SYN3: variants seen among roughly 807,000 people sequenced by gnomAD.
SYN3 encodes synapsin III, also known as synapsin-3.
Under a neutral mutation model 65.8 loss-of-function variants are expected in SYN3, and 35 were observed. The observed-to-expected ratio is 0.53, with a 90% CI of 0.41 to 0.70. The LOEUF (loss-of-function observed/expected upper bound fraction) is 0.70. Ranked by LOEUF, SYN3 falls within the 30% of genes least tolerant of loss-of-function variation. The pLI is 0.00. For missense variants in SYN3, 680 were observed against 749.0 expected (o/e 0.91, Z 1.08); for synonymous variants, 270 against 292.9 (o/e 0.92, Z 0.80).
chr22:32,541,621 G>A lies in SYN3; in HGVS notation c.867C>T (p.Ser289=), dbSNP rs757217891. Residue 289 remains serine, a synonymous_variant, in exon 8 of 14, where the codon TCC becomes TCT. Transcript: ENST00000358763. ...TYATTEAFID[S]KYDIRIQKIG... ...TTTTCTGGATGCGGATGTCGTACTT[G>A]GAGTCGATGAAGGCCTCGGTGGTGG... 8.7e-6 allele frequency: 14 copies of A among 1,613,972 alleles called. No individual in the cohort carries two copies. The highest frequency in any genetic ancestry group is 1.6e-4 in the Middle Eastern group (1 of 6,084).
At chr22:32,969,627 A>C (rs1226384056) in intron 3 of SYN3, among the ~76,000 whole-genome samples, 1 of 152,182 alleles carries the variant, frequency 6.6e-6, no homozygotes, top group Non-Finnish European at 1.5e-5. Context: ...AGTGCTCTCC[A>C]CACTTTGGAC....
At chr22:32,742,872 A>G (rs1012318978) in intron 6 of SYN3, among the ~76,000 whole-genome samples, 1 of 152,208 alleles carries the variant, frequency 6.6e-6, no homozygotes, top group African/African-American at 2.4e-5. Context: ...GCTCACACGA[A>G]TAGCTATAAG....
intron 1 of SYN3, among the ~76,000 whole-genome samples, chr22:33,019,901 T>C (rs1224377459): frequency 6.6e-6 from 1 of 152,220 alleles, no homozygotes; most frequent in Non-Finnish European, 1.5e-5. Flanking sequence ...CCCCATTGCT[T>C]ATTCTTAGCA....
chr22:32,988,193 G>C (rs2145696506), intron 2 of SYN3, among the ~76,000 whole-genome samples: 1 of 152,066 alleles, frequency 6.6e-6, no homozygotes, highest in African/African-American at 2.4e-5. Context: ...TGTAATCCCA[G>C]CTACTTGGGA....
intron 6 of SYN3, among the ~76,000 whole-genome samples, chr22:32,688,464 T>G (rs2060621410): frequency 6.6e-6 from 1 of 152,122 alleles, no homozygotes; most frequent in African/African-American, 2.4e-5. Flanking sequence ...TATTTTTCCC[T>G]TTGTTAGCTG....
At chr22:32,840,175 G>GT (rs1199334856) in intron 6 of SYN3, among the ~76,000 whole-genome samples, 2 of 152,188 alleles carry the variant, frequency 1.3e-5, no homozygotes, top group Non-Finnish European at 2.9e-5. Context: ...CAGCTTTCCA[G>GT]ATTTTCTGAG....
chr22:32,973,285 A>G (rs1344695603), intron 3 of SYN3, among the ~76,000 whole-genome samples: 1 of 152,202 alleles, frequency 6.6e-6, no homozygotes, highest in African/African-American at 2.4e-5. Flanking sequence ...AAAGGTGCCC[A>G]AGAAACTAGT....
intron 6 of SYN3, among the ~76,000 whole-genome samples, chr22:32,654,924 G>A (rs2060121806): frequency 1.3e-5 from 2 of 152,150 alleles, no homozygotes; most frequent in African/African-American, 2.4e-5. Context: ...TTCTACTGTT[G>A]TCAGCTCTTC....
At chr22:32,534,016 C>T (rs777872248) in intron 9 of SYN3, 121 bp from the exon 10 acceptor site, 37 of 637,188 alleles carry the variant, frequency 5.8e-5, no homozygotes, top group Admixed American at 5.1e-4. Flanking sequence ...CACATCCAGA[C>T]GGCGATGGAG....
chr22:32,807,781 A>G (rs1240887502), intron 6 of SYN3, among the ~76,000 whole-genome samples: 1 of 151,756 alleles, frequency 6.6e-6, no homozygotes, highest in African/African-American at 2.4e-5. Context: ...TTATATTATT[A>G]TAATTATATA....
At chr22:32,976,713 C>T (rs1047892783) in intron 3 of SYN3, among the ~76,000 whole-genome samples, 44 of 152,164 alleles carry the variant, frequency 2.9e-4, no homozygotes, top group East Asian at 1.9e-4. Flanking sequence ...GTCTCCTCCA[C>T]GGGCCTCCCC....
At position 32,511,611 on chromosome 22, in the gene SYN3, G is replaced by A. The variant is rs908060343; in HGVS notation, c.*2081C>T. ...CATGGAGACAGAGTAAGGGTGGTGG[G>A]CTTTTTGGGCGCTAGAAAGAGTACC... On this transcript the variant is annotated 3_prime_UTR_variant, in exon 14 of 14. Coordinates refer to ENST00000358763, the MANE Select transcript of SYN3 (RefSeq NM_003490.4). Among the ~76,000 whole-genome samples, 2 of 152,176 alleles carry A rather than the reference G, an allele frequency of 1.3e-5. No homozygotes were observed. The highest frequency in any genetic ancestry group is 1.5e-5 in the Non-Finnish European group (1 of 68,038).
chr22:32,644,101 A>AAAAAAAAAAAAAAAAAAAAAAAAAAAGAG, intron 6 of SYN3, among the ~76,000 whole-genome samples: 1 of 71,214 alleles, frequency 1.4e-5, no homozygotes, highest in Non-Finnish European at 2.7e-5. Context: ...AAAAAAAAAA[A>AAAAAAAAAAAAAAAAAAAAAAAAAAAGAG]AGCGACAAGA....
chr22:32,621,797 A>G (rs2059598403), intron 6 of SYN3, among the ~76,000 whole-genome samples: 1 of 152,136 alleles, frequency 6.6e-6, no homozygotes, highest in African/African-American at 2.4e-5. Flanking sequence ...TAATATGGCC[A>G]TTTCACAGAG....
intron 6 of SYN3, among the ~76,000 whole-genome samples, chr22:32,748,278 GCCCA>G (rs986323283): frequency 6.6e-6 from 1 of 152,184 alleles, no homozygotes; most frequent in African/African-American, 2.4e-5. Context: ...AGAGAGGGTG[GCCCA>G]GGAGAAAGAG....
At chr22:32,939,542 GCTA>G (rs2050877509) in intron 3 of SYN3, among the ~76,000 whole-genome samples, 1 of 152,096 alleles carries the variant, frequency 6.6e-6, no homozygotes, top group South Asian at 2.1e-4. Flanking sequence ...ACACCATGAT[GCTA>G]CCATTTTAAT....
At chr22:32,684,791 G>A (rs1449279661) in intron 6 of SYN3, among the ~76,000 whole-genome samples, 1 of 152,160 alleles carries the variant, frequency 6.6e-6, no homozygotes, top group African/African-American at 2.4e-5. Flanking sequence ...CAGAAAATGT[G>A]GGTTCAAGTT....
chr22:32,666,900 C>A (rs2058085009), intron 6 of SYN3, among the ~76,000 whole-genome samples: 2 of 152,198 alleles, frequency 1.3e-5, no homozygotes, highest in Non-Finnish European at 2.9e-5. Flanking sequence ...CCCACCTCGA[C>A]CAAGCTCCAT....
At chr22:32,568,847 A>T (rs1443424940) in intron 7 of SYN3, among the ~76,000 whole-genome samples, 2 of 152,164 alleles carry the variant, frequency 1.3e-5, no homozygotes, top group African/African-American at 4.8e-5. Context: ...ACACAACCGG[A>T]GAGTGTCCTA....
Sources: allele counts gnomAD v4.1 joint callset (sites outside exome capture counted in the v4.1 genomes callset), GRCh38; gene constraint gnomAD v4.1.1; transcripts MANE v1.5; gene names NCBI Gene and HGNC (gene_info 2026-07-23, HGNC 2026-07-21).